TMEM117: variants seen among roughly 807,000 people sequenced by gnomAD.
The protein encoded by TMEM117 is transmembrane protein 117.
A neutral mutation model predicts 52.4 loss-of-function variants in TMEM117; 27 were observed. The observed-to-expected ratio is 0.51, with a 90% CI of 0.38 to 0.71. The LOEUF is 0.71. Among genes scored for constraint, TMEM117 ranks in the 30% least tolerant of loss-of-function variants. TMEM117 has a pLI of 0.00. For synonymous variants in TMEM117, 215 were observed against 206.3 expected (o/e 1.04, Z -0.36); for missense variants, 556 against 630.5 (o/e 0.88, Z 1.26).
intron 6 of TMEM117, among the ~76,000 whole-genome samples, chr12:44,347,735 G>A (rs756015692): frequency 6.6e-6 from 1 of 152,004 alleles, no homozygotes; most frequent in Non-Finnish European, 1.5e-5. Flanking sequence ...CAAAATGAGA[G>A]GGCAGCATAT....
chr12:44,225,503 T>C (rs1949849398), intron 5 of TMEM117, among the ~76,000 whole-genome samples: 1 of 152,196 alleles, frequency 6.6e-6, no homozygotes. Context: ...AACGGATTTT[T>C]TTCCTTTTAG....
At chr12:43,851,695 A>C (rs891780670) in intron 2 of TMEM117, among the ~76,000 whole-genome samples, 2 of 152,224 alleles carry the variant, frequency 1.3e-5, no homozygotes, top group African/African-American at 4.8e-5. Flanking sequence ...AATCAGGACC[A>C]CGGAAAAGGC....
At chr12:44,089,307 T>C (rs568974307) in intron 3 of TMEM117, among the ~76,000 whole-genome samples, 3 of 152,188 alleles carry the variant, frequency 2.0e-5, no homozygotes, top group South Asian at 4.1e-4. Context: ...ACAAAAATGG[T>C]AATATCTTCT....
chr12:44,390,824 G>A (rs188709873), downstream of TMEM117, among the ~76,000 whole-genome samples: 2 of 151,960 alleles, frequency 1.3e-5, no homozygotes, highest in African/African-American at 4.8e-5. Flanking sequence ...CCTCTTTTGG[G>A]TATTGCATTT....
chr12:44,061,800 A>C (rs938039132), intron 3 of TMEM117, among the ~76,000 whole-genome samples: 4 of 152,250 alleles, frequency 2.6e-5, no homozygotes, highest in African/African-American at 9.6e-5. Context: ...TGAGGTAATA[A>C]ATTTATGGGG....
chr12:44,292,695 C>T (rs569451176), intron 5 of TMEM117, among the ~76,000 whole-genome samples: 2 of 152,022 alleles, frequency 1.3e-5, no homozygotes, highest in Non-Finnish European at 2.9e-5. Context: ...TCTGATTTCC[C>T]TTTTGATTTC....
At chr12:44,384,054 G>T (rs1033576819) in intron 7 of TMEM117, among the ~76,000 whole-genome samples, 1 of 152,122 alleles carries the variant, frequency 6.6e-6, no homozygotes, top group Non-Finnish European at 1.5e-5. Flanking sequence ...GAACACAGGG[G>T]TTGGGTTGCC....
At chr12:43,803,731 C>A in the TMEM117 span, among the ~76,000 whole-genome samples, 1 of 151,966 alleles carries the variant, frequency 6.6e-6, no homozygotes, top group Admixed American at 6.6e-5. Context: ...TAAACAAATG[C>A]ATATTTTACA....
At chr12:43,996,772 C>T (rs1487413021) in intron 3 of TMEM117, among the ~76,000 whole-genome samples, 1 of 152,078 alleles carries the variant, frequency 6.6e-6, no homozygotes, top group African/African-American at 2.4e-5. Context: ...TAACCATATC[C>T]CAGTGGCAGT....
At chr12:44,271,776 AAAT>A (rs1262379430) in intron 5 of TMEM117, among the ~76,000 whole-genome samples, 1 of 152,156 alleles carries the variant, frequency 6.6e-6, no homozygotes, top group Admixed American at 6.6e-5. Flanking sequence ...TCTGCACAGC[AAAT>A]AATCAATAGA....
intron 4 of TMEM117, among the ~76,000 whole-genome samples, chr12:44,172,046 G>T (rs1157202920): frequency 2.0e-5 from 3 of 152,172 alleles, no homozygotes; most frequent in African/African-American, 7.2e-5. Context: ...GATGAAGTTT[G>T]GTTGTAAGCA....
chr12:44,315,215 G>C (rs1347504427), intron 6 of TMEM117, among the ~76,000 whole-genome samples: 1 of 152,054 alleles, frequency 6.6e-6, no homozygotes, highest in Non-Finnish European at 1.5e-5. Flanking sequence ...TGGGTTCATT[G>C]ATGCTTTGTA....
At position 44,101,930 on chromosome 12, in the gene TMEM117, C is replaced by G. The variant is rs553255445; in HGVS notation, c.411-41595C>G. ...ATTGTGATGGTCAAAGGAAATAGGG[C>G]GTATGTAACTGCTTTATTTTCTACA... On this transcript the variant is annotated intron_variant, in intron 3 of 7. Transcript: ENST00000266534. Among the ~76,000 whole-genome samples the G allele has an allele frequency of 4.7e-4, 71 of 152,002 alleles. 1 individual carries two copies. The highest frequency in any genetic ancestry group is 1.2e-4 in the Non-Finnish European group (8 of 67,936).
intron 5 of TMEM117, among the ~76,000 whole-genome samples, chr12:44,259,886 G>A (rs532570773): frequency 2.4e-4 from 36 of 152,154 alleles, no homozygotes; most frequent in African/African-American, 7.0e-4. Flanking sequence ...AAGAATGAAG[G>A]ACATCAGTTT....
chr12:44,333,019 A>G (rs904771042), intron 6 of TMEM117, among the ~76,000 whole-genome samples: 1 of 152,036 alleles, frequency 6.6e-6, no homozygotes, highest in African/African-American at 2.4e-5. Flanking sequence ...AACACATTAC[A>G]TATTTTTATT....
intron 5 of TMEM117, among the ~76,000 whole-genome samples, chr12:44,267,300 T>C (rs985534605): frequency 1.1e-4 from 17 of 152,106 alleles, no homozygotes; most frequent in African/African-American, 4.1e-4. Flanking sequence ...TTTTCTTAAT[T>C]GCATTTTTAG....
chr12:43,845,091 C>G (rs112801884), intron 2 of TMEM117, 163 bp downstream of exon 2: 13 of 703,666 alleles, frequency 1.8e-5, no homozygotes, highest in Middle Eastern at 4.1e-4. Context: ...CAACTACTCT[C>G]TGTTAATGGT....
chr12:44,003,442 A>G (rs1946145831), intron 3 of TMEM117, among the ~76,000 whole-genome samples: 1 of 152,160 alleles, frequency 6.6e-6, no homozygotes, highest in Admixed American at 6.5e-5. Context: ...AAATGCACAC[A>G]GGTGGAAAAA....
chr12:44,180,153 C>T (rs1323318829), intron 4 of TMEM117, among the ~76,000 whole-genome samples: 4 of 152,100 alleles, frequency 2.6e-5, no homozygotes, highest in Non-Finnish European at 5.9e-5. Flanking sequence ...GCAGCCAGTT[C>T]CCAGTGTTAA....
Sources: gnomAD v4.1 joint callset for allele counts (sites outside exome capture counted in the v4.1 genomes callset) on GRCh38, gnomAD v4.1.1 for gene constraint, MANE v1.5 for transcripts, NCBI Gene and HGNC (gene_info 2026-07-23, HGNC 2026-07-21) for gene names.